BRWD3: variants seen among roughly 807,000 people sequenced by gnomAD.
The protein encoded by BRWD3 is bromodomain and WD repeat-containing protein 3.
BRWD3 carries 10 observed loss-of-function variants against 149.7 expected under a neutral mutation model. That is an observed-to-expected ratio of 0.07 (90% confidence interval 0.04 to 0.11). The LOEUF (loss-of-function observed/expected upper bound fraction) is 0.11, where lower values mean the gene tolerates loss of function less well. BRWD3 is among the 10% of genes least tolerant of loss of function. The probability of loss-of-function intolerance (pLI) is 1.00; values close to 1 mark genes in which losing one functional copy is unlikely to be tolerated. For synonymous variants in BRWD3, 504 were observed against 456.7 expected (o/e 1.10, Z -1.32); for missense variants, 940 against 1,373.2 (o/e 0.68, Z 4.99).
In BRWD3 at chrX:80,689,757, G is replaced by C; in HGVS notation, c.3807+11C>G. 1 of 1,178,437 alleles carries C rather than the reference G, an allele frequency of 8.5e-7. No homozygotes were observed. Among genetic ancestry groups the C allele is most frequent in the African/African-American group, 1.8e-5 (1 of 57,065 alleles). On this transcript the variant is annotated intron_variant, in intron 33 of 40. Coordinates refer to ENST00000373275, the MANE Select transcript of BRWD3 (RefSeq NM_153252.5). ...GTAACTCATTCCTACTAATCATGCT[G>C]TGATTCTTACCTCCTCTGCATCAGT... is the stretch of plus-strand genomic sequence containing the variant.
chrX:80,728,439 C>G (rs940311385), intron 14 of BRWD3, among the ~76,000 whole-genome samples: 1 of 111,229 alleles, frequency 9.0e-6, no homozygotes, highest in Non-Finnish European at 1.9e-5. Context: ...ACCCCTATAA[C>G]GGTAACAATG....
At chrX:80,728,210 C>A (rs2073277435) in intron 14 of BRWD3, among the ~76,000 whole-genome samples, 2 of 111,776 alleles carry the variant, frequency 1.8e-5, no homozygotes, top group Admixed American at 9.5e-5. Context: ...AATCTGAAGT[C>A]AACCAGTATT....
chrX:80,732,911 G>A (rs2073352153), intron 12 of BRWD3, among the ~76,000 whole-genome samples: 2 of 111,403 alleles, frequency 1.8e-5, no homozygotes, highest in Admixed American at 1.9e-4. Flanking sequence ...AGGCCAAGGC[G>A]GGCAGATGAC....
intron 4 of BRWD3, among the ~76,000 whole-genome samples, chrX:80,804,461 C>T (rs2074331006): frequency 9.0e-6 from 1 of 111,354 alleles, no homozygotes. Flanking sequence ...TGGTCTTGAA[C>T]TCCTGACCTC....
Position 80,734,139 on chromosome X carries a change from A to G in BRWD3, c.1065T>C (p.Ile355=), listed in dbSNP as rs746801851. ...TTACCGTATGTGACTCTAATTCAGC[A>G]ATTTTCTCAGGAACCTCAGAACCCA... ...YYLGSEVPEK[I]AELESHTDKV... is the part of the protein sequence containing the mutation. The change falls in exon 11 of 41, where the codon ATT becomes ATC. Residue 355 remains isoleucine, a synonymous_variant. Transcript: ENST00000373275. The G allele has an allele frequency of 8.3e-7, 1 of 1,197,848 alleles. No homozygotes were observed. Among genetic ancestry groups the G allele is most frequent in the Non-Finnish European group, 1.1e-6 (1 of 882,970 alleles).
chrX:80,786,155 T>C (rs1368447929), intron 6 of BRWD3, among the ~76,000 whole-genome samples: 2 of 112,328 alleles, frequency 1.8e-5, no homozygotes, highest in Non-Finnish European at 3.8e-5. Flanking sequence ...TAGTGGCCAC[T>C]AGCCACATGT....
At position 80,673,794 on chromosome X, in the gene BRWD3, G is replaced by GT. The variant is rs1324356870; in HGVS notation, c.*2814dup. On this transcript the variant is annotated 3_prime_UTR_variant, in exon 41 of 41. Coordinates refer to ENST00000373275, the MANE Select transcript of BRWD3 (RefSeq NM_153252.5). ...CTCTCACGGGCCTAAATATAACAGT[G>GT]TTTTTTCTTAGCAATTTAAGATTTA... 1 of 111,449 alleles carries GT rather than the reference G, an allele frequency of 9.0e-6. No homozygotes were observed. Among genetic ancestry groups the GT allele is most frequent in the Non-Finnish European group, 1.9e-5 (1 of 52,947 alleles). The allele number at this position is 111,449 out of a possible 1,213,427, so 9.2% of individuals were successfully genotyped here.
Position 80,686,886 on chromosome X carries a change from G to A in BRWD3, c.3982C>T (p.Pro1328Ser). The A allele has an allele frequency of 8.3e-7, 1 of 1,209,353 alleles. No homozygotes were observed. Among genetic ancestry groups the A allele is most frequent in the Non-Finnish European group, 1.1e-6 (1 of 893,975 alleles). Residue 1328 changes from proline to serine, a missense_variant, in exon 35 of 41, where the codon CCA (proline) becomes TCA (serine). Transcript: ENST00000373275. ...EREDSEPFRQ[P>S]ADLLSYPGHQ... ...ACTGGGTAAGAAAGAAGATCAGCTGGCTGTCGAAATGGCTCCGAGTCTTCA... is the reference window on the plus strand; with the variant it reads ...ACTGGGTAAGAAAGAAGATCAGCTGACTGTCGAAATGGCTCCGAGTCTTCA...
chrX:80,793,483 A>G, intron 5 of BRWD3, 139 bp downstream of exon 5: 1 of 658,341 alleles, frequency 1.5e-6, no homozygotes, highest in Non-Finnish European at 2.3e-6. Context: ...TTACTTGTAC[A>G]CTAAGAAAAC....
intron 11 of BRWD3, 81 bp downstream of exon 11, chrX:80,734,037 A>G (rs765031513): frequency 2.8e-6 from 2 of 715,608 alleles, no homozygotes; most frequent in Non-Finnish European, 2.2e-6. Context: ...ATATGTTACT[A>G]TGGTACAGAT....
chrX:80,750,669 T>A (rs1485869461), intron 6 of BRWD3, among the ~76,000 whole-genome samples: 5 of 111,496 alleles, frequency 4.5e-5, no homozygotes, highest in Non-Finnish European at 7.5e-5. Flanking sequence ...GTATGGAGGT[T>A]CCTCAAGAAA....
Position 80,726,059 on chromosome X carries a change from CACA to C in BRWD3, c.1387-995_1387-993del, listed in dbSNP as rs758493211. ...ATGTTTACATGTTATGTCTATATAA[CACA>C]ACATGTTTACATGTTGTCTGTATAA... On this transcript the variant is annotated intron_variant, in intron 14 of 40. Transcript: ENST00000373275. Among the ~76,000 whole-genome samples the C allele has an allele frequency of 8.4e-3, 369 of 43,847 alleles. 1 individual carries two copies. Among genetic ancestry groups the C allele is most frequent in the Middle Eastern group, 0.081 (3 of 37 alleles). 38.1% of individuals were successfully genotyped at this position (43,847 alleles called of 115,157 possible).
At chrX:80,768,791 G>C in intron 6 of BRWD3, among the ~76,000 whole-genome samples, 1 of 110,739 alleles carries the variant, frequency 9.0e-6, no homozygotes, top group Non-Finnish European at 1.9e-5. Context: ...CTGGCAAATT[G>C]TATAAAGAGT....
chrX:80,729,671 A>G (rs1173070446), intron 13 of BRWD3, among the ~76,000 whole-genome samples: 1 of 111,581 alleles, frequency 9.0e-6, no homozygotes, highest in Non-Finnish European at 1.9e-5. Context: ...TGTAGGCATC[A>G]GTAGAACACA....
intron 6 of BRWD3, among the ~76,000 whole-genome samples, chrX:80,757,647 T>C (rs1388261402): frequency 8.9e-6 from 1 of 112,272 alleles, no homozygotes; most frequent in Non-Finnish European, 1.9e-5. Flanking sequence ...ATATTTGTAT[T>C]TAAAATTCCA....
At position 80,744,150 on chromosome X, in the gene BRWD3, T is replaced by A; in HGVS notation, c.695A>T (p.Tyr232Phe). The change falls in exon 8 of 41, where the codon TAT (tyrosine) becomes TTT (phenylalanine). Residue 232 changes from tyrosine to phenylalanine, a missense_variant. Tyr to Phe is a conservative substitution (Grantham distance 22). Coordinates refer to ENST00000373275, the MANE Select transcript of BRWD3 (RefSeq NM_153252.5). ...GCCTGCAGCAATAAGAGTGTTTTCA[T>A]AGTTAACAGCCATGTCAGAAATTTC... ...SAEISDMAVN[Y>F]ENTLIAAGSC... The A allele has an allele frequency of 8.3e-7, 1 of 1,211,300 alleles. No individual in the cohort carries two copies.
chrX:80,779,247 G>A (rs1233876565), intron 6 of BRWD3, among the ~76,000 whole-genome samples: 1 of 111,129 alleles, frequency 9.0e-6, no homozygotes, highest in Admixed American at 9.6e-5. Flanking sequence ...CCCAGGAGGT[G>A]AAGGTTGCAG....
intron 14 of BRWD3, among the ~76,000 whole-genome samples, 166 bp downstream of exon 14, chrX:80,728,586 G>A (rs1219658458): frequency 2.7e-5 from 3 of 111,406 alleles, no homozygotes; most frequent in South Asian, 7.4e-4. Context: ...GGTATAGCGC[G>A]TGTCATCCCT....
chrX:80,700,146 C>A, intron 24 of BRWD3, 82 bp from the exon 25 acceptor site: 1 of 670,612 alleles, frequency 1.5e-6, no homozygotes, highest in South Asian at 2.5e-5. Flanking sequence ...CAAACATCCT[C>A]TTCTGTTTGC....
Sources: gnomAD v4.1 joint callset for allele counts (sites outside exome capture counted in the v4.1 genomes callset) on GRCh38, gnomAD v4.1.1 for gene constraint, MANE v1.5 for transcripts, NCBI Gene and HGNC (gene_info 2026-07-23, HGNC 2026-07-21) for gene names.